The following IL22RA1 variants were observed in gnomAD, a reference collection of about 807,000 sequenced individuals.
IL22RA1 encodes the protein interleukin-22 receptor subunit alpha-1.
Under a neutral mutation model 32.8 loss-of-function variants are expected in IL22RA1, and 25 were observed. The ratio of observed to expected loss-of-function variants is 0.76; its 90% CI spans 0.55 to 1.06. IL22RA1 has a LOEUF of 1.06. Ranked by LOEUF, IL22RA1 falls within the 50% of genes least tolerant of loss-of-function variation. IL22RA1 has a pLI of 0.00. For missense variants in IL22RA1, 709 were observed against 727.4 expected, an observed-to-expected ratio of 0.97 and a Z score of 0.29; for synonymous variants, 305 against 305.0, an observed-to-expected ratio of 1.00 and a Z score of 0.00.
At chr1:24,137,642 G>C (rs562955849) in intron 2 of IL22RA1, among the ~76,000 whole-genome samples, 1 of 150,926 alleles carries the variant, frequency 6.6e-6, no homozygotes, top group South Asian at 2.1e-4. Flanking sequence ...TCAGCCTCCC[G>C]AGTAGCTGGG....
intron 4 of IL22RA1, among the ~76,000 whole-genome samples, chr1:24,133,812 A>G (rs1275689835): frequency 4.6e-5 from 7 of 152,234 alleles, no homozygotes; most frequent in Admixed American, 4.6e-4. Context: ...TAATATACCT[A>G]ATGCTAAATG....
chr1:24,142,231 C>T (rs1432311885), intron 1 of IL22RA1, among the ~76,000 whole-genome samples: 1 of 152,204 alleles, frequency 6.6e-6, no homozygotes, highest in Admixed American at 6.5e-5. Flanking sequence ...GGAAGCTCTG[C>T]CTTTTCGTGG....
chr1:24,121,115 G>A lies in IL22RA1; in HGVS notation c.1415C>T (p.Thr472Ile). The change falls in exon 7 of 7, where the codon ACA becomes ATA. Residue 472 changes from threonine to isoleucine, a missense_variant. Physicochemically the swap from Thr to Ile is moderately conservative, Grantham distance 89 (BLOSUM62 -1). Coordinates refer to ENST00000270800, the MANE Select transcript of IL22RA1 (RefSeq NM_021258.4). ...CACATTTGGGTCAGATGTTCTGTCTGTGCAAATCCCCAGGGGCTGGTGCAA... is the reference window on the plus strand; with the variant it reads ...CACATTTGGGTCAGATGTTCTGTCTATGCAAATCCCCAGGGGCTGGTGCAA... ...KSLHQPLGIC[T>I]DRTSDPNVLH... The A allele has an allele frequency of 6.2e-7, 1 of 1,614,198 alleles. No homozygotes were observed.
chr1:24,138,303 G>C (rs1200733240), intron 2 of IL22RA1, among the ~76,000 whole-genome samples: 1 of 152,228 alleles, frequency 6.6e-6, no homozygotes, highest in Non-Finnish European at 1.5e-5. Flanking sequence ...CTCACTTTGT[G>C]GGTGGAGAAA....
intron 5 of IL22RA1, among the ~76,000 whole-genome samples, chr1:24,125,614 G>T (rs1644155964): frequency 6.6e-6 from 1 of 152,118 alleles, no homozygotes; most frequent in African/African-American, 2.4e-5. Flanking sequence ...AAAGTGGTGG[G>T]TAGAGCCCAG....
Position 24,138,716 on chromosome 1 carries a change from T to C in IL22RA1, c.44-2A>G. On this transcript the variant is annotated splice_acceptor_variant, in intron 1 of 6. Transcript: ENST00000270800. LOFTEE classifies it high-confidence loss of function. ...CCGAGGGGTCCTCAGGGGCGTGAGCTGCAGGAGGGTGGGAGGAGGGTGAGC... is the reference window on the plus strand; with the variant it reads ...CCGAGGGGTCCTCAGGGGCGTGAGCCGCAGGAGGGTGGGAGGAGGGTGAGC... The C allele has an allele frequency of 6.2e-7, 1 of 1,613,766 alleles. No individual in the cohort carries two copies. The highest frequency in any genetic ancestry group is 1.1e-5 in the South Asian group (1 of 90,992).
Position 24,137,989 on chromosome 1 carries a change from G to A in IL22RA1, c.176+593C>T, listed in dbSNP as rs146006911. Among the ~76,000 whole-genome samples the A allele has an allele frequency of 3.4e-3, 523 of 152,242 alleles. 2 individuals are homozygous for A. The highest frequency in any genetic ancestry group is 4.8e-3 in the Non-Finnish European group (325 of 68,012). ...TGGGCCCTGTTATCCCCATTTTACA[G>A]ATGAGAGAAATGAGGCTCAGAGAGG... On this transcript the variant is annotated intron_variant, in intron 2 of 6. Transcript: ENST00000270800.
chr1:24,128,364 G>A, intron 4 of IL22RA1, 85 bp from the exon 5 acceptor site: 1 of 1,549,942 alleles, frequency 6.5e-7, no homozygotes, highest in Non-Finnish European at 8.9e-7. Context: ...GCTCCTCCTG[G>A]ATTCTGGTTT....
chr1:24,122,411 G>A (rs1163757979), intron 6 of IL22RA1, among the ~76,000 whole-genome samples: 1 of 150,786 alleles, frequency 6.6e-6, no homozygotes, highest in African/African-American at 2.4e-5. Context: ...TTGGGTGGGG[G>A]GTGGTTCTGG....
intron 4 of IL22RA1, among the ~76,000 whole-genome samples, chr1:24,132,393 G>A (rs1183110254): frequency 4.7e-5 from 7 of 149,294 alleles, no homozygotes; most frequent in African/African-American, 9.9e-5. Context: ...GTGCAGTGGC[G>A]CGATCTTGGC....
intron 3 of IL22RA1, chr1:24,134,781 C>G (rs1644231522): frequency 1.1e-6 from 1 of 916,654 alleles, no homozygotes; most frequent in Non-Finnish European, 1.3e-6. Context: ...ACTACACATC[C>G]TAAATAATGT....
intron 4 of IL22RA1, among the ~76,000 whole-genome samples, chr1:24,132,310 G>C (rs1644210714): frequency 6.6e-6 from 1 of 151,724 alleles, no homozygotes; most frequent in South Asian, 2.1e-4. Flanking sequence ...CTGTTTGTTT[G>C]GGACCATGGT....
intron 4 of IL22RA1, among the ~76,000 whole-genome samples, chr1:24,130,954 T>G (rs1644200086): frequency 1.3e-5 from 2 of 152,206 alleles, no homozygotes; most frequent in South Asian, 4.1e-4. Flanking sequence ...ATCCACCCAC[T>G]TTGGCCTCCC....
chr1:24,122,000 C>T lies in IL22RA1; in HGVS notation c.793-263G>A, dbSNP rs180690410. ...TCTGGGCTCTGGTTTCTCCAGGAGG[C>T]GGATAATCCAGGGAGTAGATGACCA... On this transcript the variant is annotated intron_variant, in intron 6 of 6. Transcript: ENST00000270800. Among the ~76,000 whole-genome samples, 810 of 152,102 alleles carry T rather than the reference C, an allele frequency of 5.3e-3. 2 individuals are homozygous for T. The highest frequency in any genetic ancestry group is 7.5e-3 in the Admixed American group (115 of 15,282).
chr1:24,129,205 A>G (rs1644185954), intron 4 of IL22RA1, among the ~76,000 whole-genome samples: 1 of 152,106 alleles, frequency 6.6e-6, no homozygotes, highest in South Asian at 2.1e-4. Flanking sequence ...TTAGCCCCTC[A>G]ATGTTGTTCT....
Sources: allele counts gnomAD v4.1 joint callset (sites outside exome capture counted in the v4.1 genomes callset), GRCh38; gene constraint gnomAD v4.1.1; transcripts MANE v1.5; gene names NCBI Gene and HGNC (gene_info 2026-07-23, HGNC 2026-07-21).